Variants in KCNN2 observed in about 807,000 individuals in gnomAD.
KCNN2 encodes the protein small conductance calcium-activated potassium channel protein 2.
A neutral mutation model predicts 55.5 loss-of-function variants in KCNN2; 24 were observed. That is an observed-to-expected ratio of 0.43 (90% CI 0.31 to 0.61). The LOEUF (loss-of-function observed/expected upper bound fraction) is 0.61. Among genes scored for constraint, KCNN2 ranks in the 20% least tolerant of loss-of-function variants. The pLI is 0.08. For synonymous variants in KCNN2, 431 were observed against 336.1 expected (o/e 1.28, Z -3.09); for missense variants, 754 against 853.6 (o/e 0.88, Z 1.45).
In KCNN2 at chr5:114,208,092, A is replaced by G. The variant is rs138630400; in HGVS notation, c.-270-13388A>G. Among the ~76,000 whole-genome samples the G allele has an allele frequency of 1.9e-4, 29 of 152,324 alleles. No individual in the cohort carries two copies. The East Asian group carries it at 5.0e-3, about 26-fold the overall frequency. On this transcript the variant is annotated intron_variant, in intron 1 of 10. Coordinates refer to the KCNN2 transcript ENST00000512097. ...TATTAGCATTACCATGAGCTCAGGA[A>G]TTAAAACACAAGAATGAATTCACAA...
At chr5:114,417,534 A>T (rs1241572159) in intron 3 of KCNN2, among the ~76,000 whole-genome samples, 2 of 152,138 alleles carry the variant, frequency 1.3e-5, no homozygotes, top group Non-Finnish European at 2.9e-5. Context: ...TCATTCACCG[A>T]CTATATCATC....
chr5:114,143,693 T>C (rs1049438348), intron 1 of KCNN2, among the ~76,000 whole-genome samples: 3 of 152,226 alleles, frequency 2.0e-5, no homozygotes, highest in African/African-American at 7.2e-5. Flanking sequence ...AAGTACTTCA[T>C]GTGCCGTTGG....
At position 114,313,043 on chromosome 5, in the gene KCNN2, T is replaced by C. The variant is rs1756436636; in HGVS notation, c.-184-47902T>C. ...TTTGATCTCTGTAGAAAAAGGAATA[T>C]TAGTCTGAGTCTCTGTTATGTTTTC... is the stretch of plus-strand genomic sequence containing the variant. On this transcript the variant is annotated intron_variant, in intron 2 of 10. Coordinates refer to the KCNN2 transcript ENST00000512097. Among the ~76,000 whole-genome samples the C allele has an allele frequency of 3.3e-5, 5 of 152,258 alleles. No individual in the cohort carries two copies. The South Asian group carries it at 1.0e-3, about 32-fold the overall frequency.
chr5:114,272,657 A>AT (rs961229303), intron 2 of KCNN2, among the ~76,000 whole-genome samples: 32 of 152,024 alleles, frequency 2.1e-4, no homozygotes, highest in Admixed American at 6.6e-4. Context: ...AACTTTGTAG[A>AT]TTTTTTCTCT....
At chr5:114,219,874 G>A (rs4074169) in intron 1 of KCNN2, among the ~76,000 whole-genome samples, 54,897 of 151,956 alleles carry the variant, frequency 0.36, 10,470 homozygotes, top group East Asian at 0.73. Flanking sequence ...AATTGGGATA[G>A]CATCTATAGA....
intron 1 of KCNN2, among the ~76,000 whole-genome samples, chr5:114,130,797 A>T (rs915682609): frequency 1.3e-5 from 2 of 152,210 alleles, no homozygotes; most frequent in Non-Finnish European, 2.9e-5. Context: ...GCCTCAAAGC[A>T]TGTATGTATA....
intron 2 of KCNN2, among the ~76,000 whole-genome samples, chr5:114,258,378 C>T (rs1362228427): frequency 6.6e-6 from 1 of 152,146 alleles, no homozygotes; most frequent in Admixed American, 6.6e-5. Context: ...AGAAAGGATT[C>T]TATCCTCCTC....
At chr5:114,282,772 C>T (rs532493057) in intron 2 of KCNN2, among the ~76,000 whole-genome samples, 2 of 152,202 alleles carry the variant, frequency 1.3e-5, no homozygotes, top group East Asian at 3.9e-4. Flanking sequence ...TTAAAAATAT[C>T]TTTGATAGAA....
intron 2 of KCNN2, among the ~76,000 whole-genome samples, chr5:114,248,818 C>A (rs1754800281): frequency 6.6e-6 from 1 of 152,256 alleles, no homozygotes; most frequent in South Asian, 2.1e-4. Flanking sequence ...TTTTAAGTTG[C>A]CCCTATTAAT....
At chr5:114,146,475 C>T (rs937943858) in intron 1 of KCNN2, among the ~76,000 whole-genome samples, 3 of 152,152 alleles carry the variant, frequency 2.0e-5, no homozygotes, top group Non-Finnish European at 4.4e-5. Context: ...ATTCCCATAA[C>T]TGCAAAACAT....
intron 2 of KCNN2, among the ~76,000 whole-genome samples, chr5:114,267,558 T>C (rs1755235367): frequency 6.6e-6 from 1 of 152,162 alleles, no homozygotes. Flanking sequence ...AATTTGGAGA[T>C]AAAATATATT....
chr5:114,101,782 C>T (rs191979734), intron 1 of KCNN2, among the ~76,000 whole-genome samples: 2,596 of 152,144 alleles, frequency 0.017, 83 homozygotes, highest in African/African-American at 0.06. Context: ...TTTATGGCTG[C>T]GTAGTTTTCC....
rs543987842 is a variant in KCNN2 at position 114,156,459 on chromosome 5, A to C, written c.-270-65021A>C. 2.6e-5 allele frequency among the ~76,000 whole-genome samples: 4 copies of C among 152,306 alleles called. No homozygotes were observed. In the South Asian group the frequency reaches 8.3e-4, roughly 32 times the overall value. On this transcript the variant is annotated intron_variant, in intron 1 of 10. Transcript: ENST00000512097. ...TTAATGGGAGTAGCACTGAATCTAT[A>C]AACTGCTTTGGGAAATGTGACCATT...
intron 1 of KCNN2, among the ~76,000 whole-genome samples, chr5:114,129,140 G>C (rs996198535): frequency 3.9e-5 from 6 of 152,308 alleles, no homozygotes; most frequent in Middle Eastern, 3.4e-3. Context: ...AGTAGCAGTT[G>C]TCTTTGTTTG....
intron 2 of KCNN2, among the ~76,000 whole-genome samples, chr5:114,387,390 A>C (rs778347908): frequency 1.3e-5 from 2 of 152,340 alleles, no homozygotes; most frequent in African/African-American, 4.8e-5. Flanking sequence ...TTAAAAAGGA[A>C]GTTTTTGGAA....
chr5:114,159,013 T>G (rs1302134205), intron 1 of KCNN2, among the ~76,000 whole-genome samples: 1 of 152,202 alleles, frequency 6.6e-6, no homozygotes, highest in African/African-American at 2.4e-5. Flanking sequence ...CCTGCCTGAT[T>G]GCCCTGGCCA....
chr5:114,401,590 A>T (rs1259943375), intron 2 of KCNN2, among the ~76,000 whole-genome samples: 1 of 152,208 alleles, frequency 6.6e-6, no homozygotes, highest in Non-Finnish European at 1.5e-5. Flanking sequence ...ATGTGACAGC[A>T]TCAATAAGAA....
At chr5:114,150,504 A>G (rs1752499594) in intron 1 of KCNN2, among the ~76,000 whole-genome samples, 1 of 152,224 alleles carries the variant, frequency 6.6e-6, no homozygotes, top group African/African-American at 2.4e-5. Flanking sequence ...CGTCGACAGC[A>G]TGAAAGACCA....
At chr5:114,477,352 G>A (rs901985576) in intron 5 of KCNN2, among the ~76,000 whole-genome samples, 1 of 151,866 alleles carries the variant, frequency 6.6e-6, no homozygotes, top group African/African-American at 2.4e-5. Context: ...AGATTTTCAG[G>A]GGAACAATTT....
Sources: gnomAD v4.1 joint callset for allele counts (sites outside exome capture counted in the v4.1 genomes callset) on GRCh38, gnomAD v4.1.1 for gene constraint, MANE v1.5 for transcripts, NCBI Gene and HGNC (gene_info 2026-07-23, HGNC 2026-07-21) for gene names.